BAZ1B: variants seen among roughly 807,000 people sequenced by gnomAD.
BAZ1B encodes the protein bromodomain adjacent to zinc finger domain 1B.
A neutral mutation model predicts 153.8 loss-of-function variants in BAZ1B; 22 were observed. That is an observed-to-expected ratio of 0.14 (90% confidence interval 0.10 to 0.20). The LOEUF is 0.20. BAZ1B is among the 10% of genes least tolerant of loss of function. The pLI, the probability that BAZ1B is intolerant of heterozygous loss-of-function variation, is 1.00. For synonymous variants in BAZ1B, 676 were observed against 633.4 expected (o/e 1.07, Z -1.01); for missense variants, 1,325 against 1,799.3 (o/e 0.74, Z 4.77).
At chr7:73,490,080 A>C (rs938964262) in intron 5 of BAZ1B, among the ~76,000 whole-genome samples, 1 of 152,184 alleles carries the variant, frequency 6.6e-6, no homozygotes, top group Non-Finnish European at 1.5e-5. Context: ...CCTATGAAAA[A>C]ACTTTCTCAA....
intron 6 of BAZ1B, among the ~76,000 whole-genome samples, chr7:73,481,313 G>A (rs1222891476): frequency 6.6e-6 from 1 of 151,884 alleles, no homozygotes; most frequent in Non-Finnish European, 1.5e-5. Context: ...GGATCATGAG[G>A]TCAGGAGATT....
Position 73,477,032 on chromosome 7 carries a change from T to C in BAZ1B, c.2429A>G (p.Lys810Arg), listed in dbSNP as rs781905867. The change falls in exon 7 of 20, where the codon AAA becomes AGA. Residue 810 changes from lysine to arginine, a missense_variant. Lys to Arg is a conservative substitution (Grantham distance 26, BLOSUM62 2). Around this residue, in one of 9 missense-constraint regions of BAZ1B, gnomAD observed 431 missense variants for 563.5 expected, o/e 0.76. Transcript: ENST00000339594. The surrounding 1 kb of genome is among the most constrained non-coding windows in gnomAD (Gnocchi z 5.6). ...AGTTTTGCCTAACCCATTCTCAACT[T>C]TTCCATTTTCTTTATTTTTGGCTTC... ...EMEAKNKENG[K>R]VENGLGKTDR... 1.2e-6 allele frequency: 2 copies of C among 1,614,170 alleles called. No individual in the cohort carries two copies. Among genetic ancestry groups the C allele is most frequent in the Non-Finnish European group, 1.7e-6 (2 of 1,180,036 alleles).
intron 6 of BAZ1B, among the ~76,000 whole-genome samples, chr7:73,486,038 T>C (rs1789393988): frequency 6.6e-6 from 1 of 152,180 alleles, no homozygotes; most frequent in African/African-American, 2.4e-5. Context: ...ACGCTGCCCC[T>C]AAAGCCCAAA....
intron 11 of BAZ1B, among the ~76,000 whole-genome samples, chr7:73,463,568 A>G (rs1464088035): frequency 6.6e-6 from 1 of 152,068 alleles, no homozygotes; most frequent in Non-Finnish European, 1.5e-5. Flanking sequence ...TAATGGAAGG[A>G]TTCGATCTTC....
chr7:73,460,993 G>A, intron 12 of BAZ1B, among the ~76,000 whole-genome samples: 1 of 149,478 alleles, frequency 6.7e-6, no homozygotes, highest in East Asian at 2.0e-4. Context: ...GTTGTTTTTT[G>A]AGACGGAGTT....
chr7:73,521,781 C>G, intron 1 of BAZ1B, 46 bp downstream of exon 1: 1 of 1,446,440 alleles, frequency 6.9e-7, no homozygotes, highest in South Asian at 1.3e-5. Context: ...GGCCCTACCC[C>G]GGCCCAGCCC....
rs1260741122 is a variant in BAZ1B, at chr7:73,492,848, T to C, written c.645A>G (p.Pro215=). Residue 215 remains proline (P), a synonymous_variant, in exon 5 of 20, where the codon CCA becomes CCG. Coordinates refer to ENST00000339594, the MANE Select transcript of BAZ1B (RefSeq NM_032408.4). ...LKKGERKWAP[P]KFLPHKYDVK... is the part of the protein sequence containing the mutation. ...CATCATATTTGTGAGGCAGAAATTT[T>C]GGAGGAGCCCATTTCCTTTCTCCTT... 3 of 1,610,996 alleles carry C rather than the reference T, an allele frequency of 1.9e-6. No individual in the cohort carries two copies. Among genetic ancestry groups the C allele is most frequent in the Middle Eastern group, 1.8e-4 (1 of 5,434 alleles).
In BAZ1B at chr7:73,450,440, T is replaced by A. The variant is rs528996814; in HGVS notation, c.3580+407A>T. The stretch of plus-strand genomic sequence containing the variant: ...GGGGCTTCTAACCATGAAGTTCCTT[T>A]TGCACATATGAGACTGCATGCCACC... On this transcript the variant is annotated intron_variant, in intron 14 of 19. Coordinates refer to ENST00000339594, the MANE Select transcript of BAZ1B (RefSeq NM_032408.4). This position sits in a 1 kb window ranked among gnomAD's most constrained non-coding sequence, Gnocchi z 4.1. Among the ~76,000 whole-genome samples the A allele has an allele frequency of 1.6e-3, 240 of 152,306 alleles. No individual in the cohort carries two copies. The highest frequency in any genetic ancestry group is 5.5e-3 in the African/African-American group (227 of 41,570).
At chr7:73,513,805 G>C (rs868970756) in intron 1 of BAZ1B, among the ~76,000 whole-genome samples, 8 of 152,218 alleles carry the variant, frequency 5.3e-5, no homozygotes, top group South Asian at 4.1e-4. Flanking sequence ...AGGACAAAGT[G>C]GGGGGATCTT....
chr7:73,486,010 T>C (rs541411236), intron 6 of BAZ1B, among the ~76,000 whole-genome samples: 75 of 152,306 alleles, frequency 4.9e-4, no homozygotes, highest in African/African-American at 1.7e-3. Flanking sequence ...CTCCAAGTCA[T>C]TGGGCCTACA....
intron 11 of BAZ1B, among the ~76,000 whole-genome samples, chr7:73,465,128 C>T (rs1788532078): frequency 6.6e-6 from 1 of 152,126 alleles, no homozygotes; most frequent in Admixed American, 6.5e-5. Context: ...TGATAGAATA[C>T]TTCTGGACAC....
intron 13 of BAZ1B, among the ~76,000 whole-genome samples, chr7:73,459,063 A>G (rs760238973): frequency 9.9e-5 from 15 of 152,072 alleles, no homozygotes; most frequent in Non-Finnish European, 1.6e-4. Context: ...TCTGGCCAAC[A>G]TGGTGAAACC....
At chr7:73,467,943 C>A (rs189631651) in intron 9 of BAZ1B, among the ~76,000 whole-genome samples, 429 of 152,110 alleles carry the variant, frequency 2.8e-3, no homozygotes, top group Non-Finnish European at 3.3e-3. Context: ...AATCTATGCT[C>A]GATATAATTC....
chr7:73,500,375 A>G (rs1299135043), intron 3 of BAZ1B, among the ~76,000 whole-genome samples: 1 of 150,726 alleles, frequency 6.6e-6, no homozygotes, highest in African/African-American at 2.4e-5. Flanking sequence ...TCATCTCTAC[A>G]AAAAACACAA....
intron 18 of BAZ1B, 39 bp from the exon 19 acceptor site, chr7:73,442,592 G>A (rs782686997): frequency 2.8e-5 from 44 of 1,572,402 alleles, no homozygotes; most frequent in Non-Finnish European, 3.8e-5. Context: ...GCACAGCCTT[G>A]ACGGCAGTGC....
intron 13 of BAZ1B, among the ~76,000 whole-genome samples, chr7:73,452,709 A>C (rs1470885417): frequency 1.3e-5 from 2 of 150,856 alleles, no homozygotes; most frequent in East Asian, 1.9e-4. Flanking sequence ...GTGACAGAGC[A>C]AGACTTCATC....
At chr7:73,474,471 C>A (rs1788927081) in intron 7 of BAZ1B, among the ~76,000 whole-genome samples, 1 of 152,146 alleles carries the variant, frequency 6.6e-6, no homozygotes, top group Admixed American at 6.5e-5. Context: ...TCAAATGATA[C>A]TACTAAGAAA....
At position 73,477,522 on chromosome 7, in the gene BAZ1B, C is replaced by T; in HGVS notation, c.1939G>A (p.Gly647Ser). The change falls in exon 7 of 20, where the codon GGC (glycine) becomes AGC (serine). Residue 647 changes from glycine to serine, a missense_variant. Physicochemically the swap from Gly to Ser is moderately conservative, Grantham distance 56. This residue lies in a region of BAZ1B where 154 missense variants were observed against 266.3 expected (regional missense o/e 0.58). Transcript: ENST00000339594. This position sits in a 1 kb window ranked among gnomAD's most constrained non-coding sequence, Gnocchi z 5.6. The part of the protein sequence containing the change: ...LMEALSADKG[G>S]FLYLNRVLVI... ...AACACCCTGTTAAGGTATAAAAAGC[C>T]ACCCTTATCTGCACTCAAGGCTTCC... is the stretch of plus-strand genomic sequence containing the variant. The T allele has an allele frequency of 6.2e-7, 1 of 1,614,176 alleles. No homozygotes were observed. Among genetic ancestry groups the T allele is most frequent in the Non-Finnish European group, 8.5e-7 (1 of 1,180,018 alleles).
intron 3 of BAZ1B, among the ~76,000 whole-genome samples, chr7:73,503,566 G>C (rs782219583): frequency 2.4e-4 from 37 of 151,908 alleles, no homozygotes; most frequent in Middle Eastern, 3.4e-3. Context: ...GTAGAAACAG[G>C]GTCTCCCTAT....
Sources: gnomAD v4.1 joint callset for allele counts (sites outside exome capture counted in the v4.1 genomes callset) on GRCh38, gnomAD v4.1.1 for gene constraint, gnomAD v4.1.1 regional missense constraint, Gnocchi (gnomAD v3.1) non-coding constraint, MANE v1.5 for transcripts, NCBI Gene and HGNC (gene_info 2026-07-23, HGNC 2026-07-21) for gene names.